Variants in CASKIN1 observed in about 807,000 individuals in gnomAD.
The protein encoded by CASKIN1 is caskin-1.
Under a neutral mutation model 117.5 loss-of-function variants are expected in CASKIN1, and 42 were observed. That is an observed-to-expected ratio of 0.36 (90% CI 0.28 to 0.46). CASKIN1 has a LOEUF of 0.46. Among genes scored for constraint, CASKIN1 ranks in the 20% least tolerant of loss-of-function variants. CASKIN1 has a pLI of 1.00. For missense variants in CASKIN1, 2,083 were observed against 2,077.3 expected (o/e 1.00, Z -0.05); for synonymous variants, 1,148 against 961.7 (o/e 1.19, Z -3.59).
intron 14 of CASKIN1, 101 bp from the exon 15 acceptor site, chr16:2,184,042 G>GCGTCCGC (rs1339969627): frequency 1.4e-6 from 1 of 738,840 alleles, no homozygotes; most frequent in Non-Finnish European, 2.2e-6. Context: ...TGCAGCCACT[G>GCGTCCGC]CGTCCGCCGT....
chr16:2,196,151 G>T lies in CASKIN1; in HGVS notation c.94+188C>A, dbSNP rs1256101063. The stretch of plus-strand genomic sequence containing the variant: ...GCTCACGGTGGCGGCCGGCTCTCGG[G>T]GCCGCCCCATCTCCAGTGCTGGGGG... On this transcript the variant is annotated intron_variant, in intron 1 of 19. Transcript: ENST00000343516. The surrounding 1 kb of genome is among the most constrained non-coding windows in gnomAD (Gnocchi z 5.7). Among the ~76,000 whole-genome samples, 1 of 151,924 alleles carries T rather than the reference G, an allele frequency of 6.6e-6. No individual in the cohort carries two copies. The highest frequency in any genetic ancestry group is 1.5e-5 in the Non-Finnish European group (1 of 67,926).
At position 2,179,688 on chromosome 16, in the gene CASKIN1, G is replaced by T; in HGVS notation, c.3680C>A (p.Ser1227Tyr). The T allele has an allele frequency of 6.6e-7, 1 of 1,526,188 alleles. No homozygotes were observed. Among genetic ancestry groups the T allele is most frequent in the East Asian group, 2.4e-5 (1 of 42,348 alleles). The allele number at this position is 1,526,188 out of a possible 1,614,324, so 94.5% of individuals were successfully genotyped here. ...AGGCTGCGTCAGGACGGGCTTGGGA[G>T]AGACAGGCGGCTTGGCCGGCTTCCG... The part of the protein sequence containing the change: ...EARKPAKPPV[S>Y]PKPVLTQPVP... Residue 1227 changes from serine (S) to tyrosine (Y), a missense_variant, in exon 18 of 20, where the codon TCT (serine) becomes TAT (tyrosine). Coordinates refer to ENST00000343516, the MANE Select transcript of CASKIN1 (RefSeq NM_020764.4). The surrounding 1 kb of genome is among the most constrained non-coding windows in gnomAD (Gnocchi z 5.8).
chr16:2,195,944 CT>C (rs768379064), intron 1 of CASKIN1, among the ~76,000 whole-genome samples: 26 of 151,870 alleles, frequency 1.7e-4, no homozygotes, highest in Non-Finnish European at 8.8e-5. Flanking sequence ...CAGGGGCCCC[CT>C]CCCTGTCTTC....
Position 2,178,896 on chromosome 16 carries a change from A to C in CASKIN1, c.4199+6T>G, listed in dbSNP as rs773310533. On this transcript the variant is annotated splice_donor_region_variant and intron_variant, in intron 19 of 19. Coordinates refer to ENST00000343516, the MANE Select transcript of CASKIN1 (RefSeq NM_020764.4). ...CTCCGCCCGCCAGGCCCCGCCCCGC[A>C]CCTACCGCGGGCCCTGCGCGTCCTC... 1.5e-5 allele frequency: 21 copies of C among 1,443,912 alleles called. No homozygotes were observed. Among genetic ancestry groups the C allele is most frequent in the African/African-American group, 3.1e-5 (2 of 64,980 alleles). The allele number at this position is 1,443,912 out of a possible 1,614,324, so 89.4% of individuals were successfully genotyped here.
chr16:2,178,492 T>G lies in CASKIN1; in HGVS notation c.*58A>C. 16 of 1,354,024 alleles carry G rather than the reference T, an allele frequency of 1.2e-5. No homozygotes were observed. The highest frequency in any genetic ancestry group is 1.5e-5 in the Non-Finnish European group (15 of 1,002,482). 83.9% of individuals were successfully genotyped at this position (1,354,024 alleles called of 1,614,324 possible). A position where few individuals can be genotyped will look rare whatever the true frequency, so the allele number is the denominator to read the frequency against. ...GCGCCCAGACGCGCCCATCCTGAGG[T>G]ATAGGTCAGTGTGCGGGGAGGGCCC... On this transcript the variant is annotated 3_prime_UTR_variant, in exon 20 of 20. Transcript: ENST00000343516.
At position 2,178,940 on chromosome 16, in the gene CASKIN1, C is replaced by A; in HGVS notation, c.4161G>T (p.Val1387=). The A allele has an allele frequency of 6.7e-7, 1 of 1,494,660 alleles. No homozygotes were observed. The highest frequency in any genetic ancestry group is 1.5e-5 in the African/African-American group (1 of 68,906). The allele number at this position is 1,494,660 out of a possible 1,614,324, so 92.6% of individuals were successfully genotyped here. A position where few individuals can be genotyped will look rare whatever the true frequency, so the allele number is the denominator to read the frequency against. Residue 1387 remains valine (V), a synonymous_variant, in exon 19 of 20, where the codon GTG becomes GTT. Coordinates refer to ENST00000343516, the MANE Select transcript of CASKIN1 (RefSeq NM_020764.4). ...SACLAAALQA[V]EEKIRQEDAQ... is the part of the protein sequence containing the mutation. ...CGTCCTCCTGCCGGATCTTCTCCTC[C>A]ACCGCCTGCAGCGCCGCGGCCAGGC...
In CASKIN1 at chr16:2,196,537, G is replaced by A. The variant is rs992662180; in HGVS notation, c.-105C>T. 1.0e-4 allele frequency: 34 copies of A among 324,880 alleles called. No individual in the cohort carries two copies. Among genetic ancestry groups the A allele is most frequent in the Non-Finnish European group, 1.5e-4 (34 of 229,084 alleles). The allele number at this position is 324,880 out of a possible 1,614,324, so 20.1% of individuals were successfully genotyped here. On this transcript the variant is annotated 5_prime_UTR_variant, in exon 1 of 20. Coordinates refer to ENST00000343516, the MANE Select transcript of CASKIN1 (RefSeq NM_020764.4). The surrounding 1 kb of genome is among the most constrained non-coding windows in gnomAD (Gnocchi z 5.7). ...GGCCGCCTCCCCCGCCGCCTCCCCC[G>A]CCGCCTCCTCGCCGCCCGCCGCCCC...
intron 1 of CASKIN1, among the ~76,000 whole-genome samples, chr16:2,195,733 C>T (rs1178860714): frequency 6.6e-6 from 1 of 152,228 alleles, no homozygotes; most frequent in African/African-American, 2.4e-5. Context: ...CAGGCCGGCC[C>T]TGCCTGGAGT....
intron 1 of CASKIN1, among the ~76,000 whole-genome samples, chr16:2,191,812 G>A (rs1484017758): frequency 3.9e-5 from 6 of 152,212 alleles, no homozygotes; most frequent in Non-Finnish European, 5.9e-5. Context: ...CGTCAGCTCT[G>A]CCTCCCAGAC....
rs754308717 is a variant in CASKIN1 at position 2,189,108 on chromosome 16, G to T, written c.536C>A (p.Pro179His). ...GGGGTCGGTGGCGTCTCCCGGCCGG[G>T]GCTCCAGCAGCGCCGCACACATATT... ...SSNMCAALLE[P>H]RPGDATDPNG... Residue 179 changes from proline (P) to histidine (H), a missense_variant, in exon 6 of 20, where the codon CCC (proline) becomes CAC (histidine). Physicochemically the swap from Pro to His is moderately conservative, Grantham distance 77. This residue lies in a region of CASKIN1 where 203 missense variants were observed against 338.7 expected (regional missense o/e 0.60). Coordinates refer to ENST00000343516, the MANE Select transcript of CASKIN1 (RefSeq NM_020764.4). The T allele has an allele frequency of 4.3e-6, 7 of 1,613,478 alleles. No homozygotes were observed. The highest frequency in any genetic ancestry group is 2.2e-5 in the South Asian group (2 of 91,064).
In CASKIN1 at chr16:2,180,574, G is replaced by A. The variant is rs142758006; in HGVS notation, c.2794C>T (p.Arg932Cys). The change falls in exon 18 of 20, where the codon CGC (arginine) becomes TGC (cysteine). Residue 932 changes from arginine (R) to cysteine (C), a missense_variant. Transcript: ENST00000343516. ...GGCCGCACGGCAAAGGACTGGCTGC[G>A]GTTGACGTTCTTGTCGGCACCTGCG... ...APAGADKNVNRSQSFAVRPRK... is the reference protein window; with the variant it reads ...APAGADKNVNCSQSFAVRPRK... 17 of 1,566,998 alleles carry A rather than the reference G, an allele frequency of 1.1e-5. No individual in the cohort carries two copies. The highest frequency in any genetic ancestry group is 1.4e-5 in the Non-Finnish European group (16 of 1,163,340).
At position 2,179,860 on chromosome 16, in the gene CASKIN1, A is replaced by G. The variant is rs1382530636; in HGVS notation, c.3508T>C (p.Tyr1170His). ...CGCACGGTGCCAGTGCCATTATGGT[A>G]CACGGACAGTGGCGGTGGTGGCTCA... ...GPEPPPPLSV[Y>H]HNGTGTVRRR... The change falls in exon 18 of 20, where the codon TAC (tyrosine) becomes CAC (histidine). Residue 1170 changes from tyrosine to histidine, a missense_variant. Coordinates refer to ENST00000343516, the MANE Select transcript of CASKIN1 (RefSeq NM_020764.4). The surrounding 1 kb of genome is among the most constrained non-coding windows in gnomAD (Gnocchi z 5.8). 1 of 1,607,538 alleles carries G rather than the reference A, an allele frequency of 6.2e-7. No homozygotes were observed. Among genetic ancestry groups the G allele is most frequent in the Non-Finnish European group, 8.5e-7 (1 of 1,177,972 alleles).
intron 1 of CASKIN1, among the ~76,000 whole-genome samples, chr16:2,195,684 G>C (rs1273269999): frequency 6.6e-6 from 1 of 152,194 alleles, no homozygotes; most frequent in Non-Finnish European, 1.5e-5. Flanking sequence ...ACCCGGCTCT[G>C]CTGGAGCCTG....
At chr16:2,193,364 G>A (rs2093206328) in intron 1 of CASKIN1, among the ~76,000 whole-genome samples, 1 of 152,186 alleles carries the variant, frequency 6.6e-6, no homozygotes, top group Admixed American at 6.5e-5. Flanking sequence ...CATTTTGCAT[G>A]GGGACCTGGG....
At position 2,181,240 on chromosome 16, in the gene CASKIN1, G is replaced by C; in HGVS notation, c.2128C>G (p.Leu710Val). 1.3e-6 allele frequency: 2 copies of C among 1,596,544 alleles called. No homozygotes were observed. The highest frequency in any genetic ancestry group is 1.7e-6 in the Non-Finnish European group (2 of 1,177,690). Residue 710 changes from leucine (L) to valine (V), a missense_variant, in exon 18 of 20, where the codon CTG becomes GTG. By Grantham distance (32) the Leu-to-Val change is conservative (BLOSUM62 1). This residue lies in a region of CASKIN1 where 1,818 missense variants were observed against 1,688.9 expected (regional missense o/e 1.08). Coordinates refer to ENST00000343516, the MANE Select transcript of CASKIN1 (RefSeq NM_020764.4). ...ARHMSSSQEL[L>V]GDGPPGPSSP... ...CTGGGCCCAGGGGGCCCATCTCCCA[G>C]CAGCTCCTGCGAGCTGCTCATGTGC...
intron 1 of CASKIN1, among the ~76,000 whole-genome samples, 196 bp from the exon 2 acceptor site, chr16:2,190,554 C>G (rs115836010): frequency 6.6e-6 from 1 of 152,220 alleles, no homozygotes; most frequent in Non-Finnish European, 1.5e-5. Context: ...GCCAGCTGCT[C>G]GGGCCTTGGT....
At position 2,189,281 on chromosome 16, in the gene CASKIN1, C is replaced by G; in HGVS notation, c.443G>C (p.Gly148Ala). The change falls in exon 5 of 20, where the codon GGG (glycine) becomes GCG (alanine). Residue 148 changes from glycine to alanine, a missense_variant. Gly to Ala is a moderately conservative substitution (Grantham distance 60). Around this residue, in one of 3 missense-constraint regions of CASKIN1, gnomAD observed 203 missense variants for 338.7 expected, o/e 0.60. Transcript: ENST00000343516. ...QSNPCMVDNSGKTPLDLACEF... is the reference protein window; with the variant it reads ...QSNPCMVDNSAKTPLDLACEF... Reference sequence around the variant, plus strand: ...GCAGGCCAGGTCCAGGGGCGTCTTCCCCGAGTTGTCCACCATGCACGGGTT... The same window carrying G: ...GCAGGCCAGGTCCAGGGGCGTCTTCGCCGAGTTGTCCACCATGCACGGGTT... The G allele has an allele frequency of 6.2e-7, 1 of 1,613,276 alleles. No individual in the cohort carries two copies. The highest frequency in any genetic ancestry group is 8.5e-7 in the Non-Finnish European group (1 of 1,179,920).
Position 2,187,242 on chromosome 16 carries a change from G to A in CASKIN1, c.759C>T (p.Tyr253=). 6.2e-7 allele frequency: 1 copy of A among 1,614,060 alleles called. No individual in the cohort carries two copies. Among genetic ancestry groups the A allele is most frequent in the African/African-American group, 1.3e-5 (1 of 75,032 alleles). The change falls in exon 8 of 20, where the codon TAC becomes TAT. Residue 253 remains tyrosine, a synonymous_variant. Coordinates refer to ENST00000343516, the MANE Select transcript of CASKIN1 (RefSeq NM_020764.4). ...SGINAHVRNT[Y]SQTALDIVHQ... is the part of the protein sequence containing the mutation. ...GCACGATGTCCAGGGCTGTCTGGCTGTAGGTGTTCCTCACGTGGGCATTGA... is the reference window on the plus strand; with the variant it reads ...GCACGATGTCCAGGGCTGTCTGGCTATAGGTGTTCCTCACGTGGGCATTGA...
Position 2,190,070 on chromosome 16 carries a change from T to C in CASKIN1, c.244+3A>G. 6.2e-7 allele frequency: 1 copy of C among 1,612,456 alleles called. No homozygotes were observed. Among genetic ancestry groups the C allele is most frequent in the Non-Finnish European group, 8.5e-7 (1 of 1,179,808 alleles). On this transcript the variant is annotated splice_donor_region_variant and intron_variant, in intron 3 of 19. Transcript: ENST00000343516. The stretch of plus-strand genomic sequence containing the variant: ...CCCACCAGAGGCCCTCGGCTAGTCT[T>C]GCCTTTGTTGTCCTTGATGTCCACA...
Sources: allele counts gnomAD v4.1 joint callset (sites outside exome capture counted in the v4.1 genomes callset), GRCh38; gene constraint gnomAD v4.1.1; regional missense constraint gnomAD v4.1.1; non-coding constraint Gnocchi (gnomAD v3.1); transcripts MANE v1.5; gene names NCBI Gene and HGNC (gene_info 2026-07-23, HGNC 2026-07-21).